COL5A2: variants seen among roughly 807,000 people sequenced by gnomAD.
COL5A2 encodes collagen alpha-2(V) chain.
Under a neutral mutation model 208.2 loss-of-function variants are expected in COL5A2, and 23 were observed. The observed-to-expected ratio is 0.11, with a 90% CI of 0.08 to 0.16. COL5A2 has a LOEUF of 0.16. Ranked by LOEUF, COL5A2 falls within the 10% of genes least tolerant of loss-of-function variation. COL5A2 has a pLI of 1.00. For missense variants in COL5A2, 1,590 were observed against 1,956.4 expected, an observed-to-expected ratio of 0.81 and a Z score of 3.53; for synonymous variants, 625 against 628.5, an observed-to-expected ratio of 0.99 and a Z score of 0.08.
the COL5A2 span, among the ~76,000 whole-genome samples, chr2:189,307,382 T>C: frequency 2.0e-5 from 3 of 152,120 alleles, no homozygotes; most frequent in Non-Finnish European, 4.4e-5. Context: ...TGAAAAAGCA[T>C]ACATGAATAG....
chr2:189,318,478 A>C, the COL5A2 span, among the ~76,000 whole-genome samples: 1 of 152,172 alleles, frequency 6.6e-6, no homozygotes, highest in African/African-American at 2.4e-5. Context: ...TTATTTTAAA[A>C]GGGGGCTAAT....
the COL5A2 span, among the ~76,000 whole-genome samples, chr2:189,284,169 ATTAG>A: frequency 6.6e-6 from 1 of 151,532 alleles, no homozygotes; most frequent in Non-Finnish European, 1.5e-5. Context: ...ATAGGTAACA[ATTAG>A]TTGGAAAACA....
Position 189,058,535 on chromosome 2 carries a change from A to G in COL5A2, c.2131-8T>C. ...AGGATTTCCTCGTTCTCCCTAGCAC[A>G]AAATTGGGATGTCAAATAATCTCAA... On this transcript the variant is annotated splice_region_variant and splice_polypyrimidine_tract_variant and intron_variant, in intron 32 of 53. Coordinates refer to ENST00000374866, the MANE Select transcript of COL5A2 (RefSeq NM_000393.5). 1 of 1,608,158 alleles carries G rather than the reference A, an allele frequency of 6.2e-7. No homozygotes were observed. The highest frequency in any genetic ancestry group is 2.2e-5 in the East Asian group (1 of 44,806).
intron 1 of COL5A2, among the ~76,000 whole-genome samples, chr2:189,135,576 G>A (rs573514250): frequency 1.8e-4 from 27 of 152,190 alleles, no homozygotes; most frequent in African/African-American, 6.3e-4. Context: ...TAATCCGTAG[G>A]CTAATGTCTT....
At chr2:189,199,247 T>C (rs572239712) in intron 1 of COL5A2, among the ~76,000 whole-genome samples, 1 of 152,280 alleles carries the variant, frequency 6.6e-6, no homozygotes, top group Admixed American at 6.5e-5. Context: ...TTAGCAAAGA[T>C]TTGTATAACC....
the COL5A2 span, among the ~76,000 whole-genome samples, chr2:189,316,784 C>CAA: frequency 1.5e-5 from 2 of 136,870 alleles, no homozygotes; most frequent in African/African-American, 5.4e-5. Context: ...CACTTAAAAG[C>CAA]AAAAAAAAAA....
At chr2:189,051,293 G>A in intron 42 of COL5A2, 27 bp downstream of exon 42, 1 of 1,613,818 alleles carries the variant, frequency 6.2e-7, no homozygotes, top group Non-Finnish European at 8.5e-7. Context: ...AGTTGAAGGT[G>A]GTCTGGAACG....
At chr2:189,097,228 A>G (rs1686937148) in intron 6 of COL5A2, 49 bp downstream of exon 6, 1 of 1,581,830 alleles carries the variant, frequency 6.3e-7, no homozygotes, top group African/African-American at 1.3e-5. Context: ...AACACAGTGT[A>G]AACTGACTGG....
chr2:189,099,286 A>G (rs1438136258), intron 4 of COL5A2, among the ~76,000 whole-genome samples: 3 of 152,208 alleles, frequency 2.0e-5, no homozygotes, highest in African/African-American at 7.2e-5. Context: ...CAAGCCAATT[A>G]AAGGCAAATA....
intron 1 of COL5A2, among the ~76,000 whole-genome samples, chr2:189,122,862 T>C (rs1290652304): frequency 6.6e-6 from 1 of 152,200 alleles, no homozygotes; most frequent in African/African-American, 2.4e-5. Context: ...GAAAATGTTA[T>C]ACTGGAGTTA....
the COL5A2 span, among the ~76,000 whole-genome samples, chr2:189,381,156 C>T: frequency 7.9e-5 from 12 of 152,064 alleles, no homozygotes; most frequent in African/African-American, 2.9e-4. Context: ...GTACTCACTT[C>T]GTCACCTTTC....
the COL5A2 span, among the ~76,000 whole-genome samples, chr2:189,376,191 G>C: frequency 2.6e-4 from 40 of 152,138 alleles, no homozygotes; most frequent in African/African-American, 9.6e-4. Context: ...TGTTAATACT[G>C]GTATTTGAAC....
chr2:189,047,685 C>T (rs1362260681), intron 45 of COL5A2, among the ~76,000 whole-genome samples: 1 of 152,124 alleles, frequency 6.6e-6, no homozygotes, highest in Admixed American at 6.5e-5. Context: ...CCTTCAGTGG[C>T]CCATCTCAGC....
chr2:189,203,331 G>A (rs1440837715), intron 1 of COL5A2, among the ~76,000 whole-genome samples: 1 of 152,146 alleles, frequency 6.6e-6, no homozygotes, highest in Non-Finnish European at 1.5e-5. Flanking sequence ...CATAAATACA[G>A]GAGAAACTCT....
At chr2:189,390,384 A>C in the COL5A2 span, among the ~76,000 whole-genome samples, 1 of 152,206 alleles carries the variant, frequency 6.6e-6, no homozygotes. Flanking sequence ...GATGATTGAA[A>C]TCTTTACCAA....
At chr2:189,385,842 C>T in the COL5A2 span, among the ~76,000 whole-genome samples, 2 of 151,970 alleles carry the variant, frequency 1.3e-5, no homozygotes, top group African/African-American at 4.8e-5. Flanking sequence ...ACCAGGTAGA[C>T]AAAAATAAGT....
At chr2:189,133,662 C>T (rs961912037) in intron 1 of COL5A2, among the ~76,000 whole-genome samples, 3 of 152,006 alleles carry the variant, frequency 2.0e-5, no homozygotes, top group African/African-American at 7.3e-5. Flanking sequence ...TTCCATGCAG[C>T]AAGCCAGTTA....
At chr2:189,354,954 T>A in the COL5A2 span, among the ~76,000 whole-genome samples, 1 of 152,234 alleles carries the variant, frequency 6.6e-6, no homozygotes, top group Non-Finnish European at 1.5e-5. Context: ...GCTTTAAATG[T>A]GTCCCAGAGA....
chr2:189,035,014 G>A lies in COL5A2; in HGVS notation c.4255C>T (p.Leu1419Phe), dbSNP rs758593384. The A allele has an allele frequency of 1.2e-6, 2 of 1,613,752 alleles. No individual in the cohort carries two copies. Among genetic ancestry groups the A allele is most frequent in the Non-Finnish European group, 1.7e-6 (2 of 1,179,842 alleles). ...CCTTTGAGAACCACAGCTTTTTTGAGGTTCTTAGCTTGATCGTCCATGTAT... is the reference window on the plus strand; with the variant it reads ...CCTTTGAGAACCACAGCTTTTTTGAAGTTCTTAGCTTGATCGTCCATGTAT... ...VGYMDDQAKN[L>F]KKAVVLKGAN... The change falls in exon 53 of 54, where the codon CTC becomes TTC. Residue 1419 changes from leucine (L) to phenylalanine (F), a missense_variant. Transcript: ENST00000374866.
Sources: gnomAD v4.1 joint callset for allele counts (sites outside exome capture counted in the v4.1 genomes callset) on GRCh38, gnomAD v4.1.1 for gene constraint, MANE v1.5 for transcripts, NCBI Gene and HGNC (gene_info 2026-07-23, HGNC 2026-07-21) for gene names.